Variants in TBC1D5 observed in about 807,000 individuals in gnomAD.
TBC1D5 encodes the protein TBC1 domain family, member 5.
In TBC1D5, 75 loss-of-function variants were observed where a neutral mutation model predicts 100.3. That is an observed-to-expected ratio of 0.75 (90% CI 0.62 to 0.91). TBC1D5 has a LOEUF of 0.91. Among genes scored for constraint, TBC1D5 ranks in the 40% least tolerant of loss-of-function variants. TBC1D5 has a pLI of 0.00. For synonymous variants in TBC1D5, 323 were observed against 325.6 expected (o/e 0.99, Z 0.09); for missense variants, 910 against 942.4 (o/e 0.97, Z 0.45).
At chr3:17,213,338 C>G (rs903245851) in intron 18 of TBC1D5, among the ~76,000 whole-genome samples, 3 of 152,150 alleles carry the variant, frequency 2.0e-5, no homozygotes, top group Non-Finnish European at 4.4e-5. Flanking sequence ...CTGAATGTAT[C>G]ATTGTTGTTA....
At chr3:17,276,332 G>C (rs2080009405) in intron 15 of TBC1D5, among the ~76,000 whole-genome samples, 1 of 152,142 alleles carries the variant, frequency 6.6e-6, no homozygotes, top group Non-Finnish European at 1.5e-5. Flanking sequence ...TCATCATCTT[G>C]GGTGGTTAAG....
At chr3:17,427,373 T>C (rs1273371200) in intron 4 of TBC1D5, among the ~76,000 whole-genome samples, 1 of 151,946 alleles carries the variant, frequency 6.6e-6, no homozygotes, top group African/African-American at 2.4e-5. Context: ...AACTGTTTCA[T>C]TTACTACATT....
chr3:17,554,977 G>A (rs771276673), intron 2 of TBC1D5, among the ~76,000 whole-genome samples: 2 of 151,908 alleles, frequency 1.3e-5, no homozygotes, highest in Non-Finnish European at 2.9e-5. Context: ...AGCCTCCCAA[G>A]TAGCTGGGAT....
chr3:17,378,351 A>G (rs9848610), intron 9 of TBC1D5, among the ~76,000 whole-genome samples: 62,371 of 151,534 alleles, frequency 0.41, 13,538 homozygotes, highest in Middle Eastern at 0.47. Flanking sequence ...TCCCTCAGTG[A>G]AGAATATAAA....
At chr3:17,639,858 T>C (rs1316001925) in intron 1 of TBC1D5, among the ~76,000 whole-genome samples, 1 of 152,174 alleles carries the variant, frequency 6.6e-6, no homozygotes, top group Non-Finnish European at 1.5e-5. Flanking sequence ...TCACTCACAC[T>C]GAAACTTCTG....
intron 21 of TBC1D5, among the ~76,000 whole-genome samples, chr3:17,163,684 G>T (rs1045112120): frequency 6.6e-6 from 1 of 152,116 alleles, no homozygotes; most frequent in Non-Finnish European, 1.5e-5. Context: ...CCCAACTATA[G>T]ACCAGCAGTG....
chr3:17,313,868 AAG>A (rs1651855134), intron 13 of TBC1D5, among the ~76,000 whole-genome samples: 1 of 152,182 alleles, frequency 6.6e-6, no homozygotes, highest in Non-Finnish European at 1.5e-5. Flanking sequence ...GGTACCTATT[AAG>A]AGAGTCAGAA....
intron 2 of TBC1D5, among the ~76,000 whole-genome samples, chr3:17,582,712 T>A: frequency 7.2e-6 from 1 of 139,712 alleles, no homozygotes; most frequent in Non-Finnish European, 1.5e-5. Context: ...CAGGCATAAA[T>A]CCATTATGAG....
In TBC1D5 at chr3:17,221,275, C is replaced by CT. The variant is rs905327270; in HGVS notation, c.1589-6906dup. On this transcript the variant is annotated intron_variant, in intron 17 of 21. Transcript: ENST00000253692. ...GTTGGCCAACCTAATCCTGTGAGTT[C>CT]TTTTTTTTTTAATTTTATTATTATT... Among the ~76,000 whole-genome samples the CT allele has an allele frequency of 2.4e-4, 35 of 147,630 alleles. 1 individual carries two copies. Among genetic ancestry groups the CT allele is most frequent in the South Asian group, 1.1e-3 (5 of 4,620 alleles).
rs1028115249 is a variant in TBC1D5, at chr3:17,513,998, A to G, written c.-35-5393T>C. Among the ~76,000 whole-genome samples the G allele has an allele frequency of 2.0e-5, 3 of 152,176 alleles. No homozygotes were observed. In the East Asian group the frequency reaches 5.8e-4, roughly 29 times the overall value. On this transcript the variant is annotated intron_variant, in intron 2 of 21. Coordinates refer to ENST00000253692, the Ensembl canonical transcript of TBC1D5. The stretch of plus-strand genomic sequence containing the variant: ...CAATGATTGGAAGTAACAATGTTCT[A>G]AAGTCTTAATTACAAGGGCAGAAAG...
chr3:17,218,227 A>G (rs894611896), intron 17 of TBC1D5, among the ~76,000 whole-genome samples: 3 of 152,076 alleles, frequency 2.0e-5, no homozygotes, highest in South Asian at 2.1e-4. Context: ...TTTGATTAAA[A>G]TAACTATATA....
chr3:17,566,109 T>C (rs912894561), intron 2 of TBC1D5, among the ~76,000 whole-genome samples: 10 of 151,990 alleles, frequency 6.6e-5, no homozygotes, highest in Non-Finnish European at 1.0e-4. Flanking sequence ...CACTGTAATA[T>C]ATAGTGATAA....
chr3:17,704,332 G>C (rs1193297021), intron 1 of TBC1D5, among the ~76,000 whole-genome samples: 2 of 151,536 alleles, frequency 1.3e-5, no homozygotes, highest in African/African-American at 4.8e-5. Flanking sequence ...TTTCTACACA[G>C]ACACGGCAAC....
chr3:17,415,166 A>G (rs112524083), intron 4 of TBC1D5, among the ~76,000 whole-genome samples: 13,865 of 152,046 alleles, frequency 0.091, 1,426 homozygotes, highest in African/African-American at 0.26. Context: ...ATTTATTTAT[A>G]TATTTTTTGA....
chr3:17,201,817 C>T (rs1390261613), intron 18 of TBC1D5, among the ~76,000 whole-genome samples: 1 of 152,212 alleles, frequency 6.6e-6, no homozygotes, highest in Non-Finnish European at 1.5e-5. Context: ...GCTTCCTGTA[C>T]AGCATCTGGA....
At chr3:17,545,376 C>T (rs2096404767) in intron 2 of TBC1D5, among the ~76,000 whole-genome samples, 2 of 152,330 alleles carry the variant, frequency 1.3e-5, no homozygotes, top group South Asian at 4.1e-4. Context: ...TTTGCTGACA[C>T]CTGATCTCAG....
At chr3:17,221,565 T>C (rs1259238680) in intron 17 of TBC1D5, among the ~76,000 whole-genome samples, 1 of 151,990 alleles carries the variant, frequency 6.6e-6, no homozygotes, top group East Asian at 1.9e-4. Flanking sequence ...AGTTCAAACA[T>C]GAGAAGGGCT....
Position 17,305,257 on chromosome 3 carries a change from T to C in TBC1D5, c.1138+2735A>G, listed in dbSNP as rs2083287427. Reference sequence around the variant, plus strand: ...GTTACAACACAAACTAAGCTCTTCCTTGGCTTCTTCTCCTCTGGTGCCTCT... The same window carrying C: ...GTTACAACACAAACTAAGCTCTTCCCTGGCTTCTTCTCCTCTGGTGCCTCT... On this transcript the variant is annotated intron_variant, in intron 14 of 21. Coordinates refer to ENST00000253692, the Ensembl canonical transcript of TBC1D5. Among the ~76,000 whole-genome samples, 2 of 152,174 alleles carry C rather than the reference T, an allele frequency of 1.3e-5. 1 individual carries two copies. Among genetic ancestry groups the C allele is most frequent in the South Asian group, 4.1e-4 (2 of 4,830 alleles).
At chr3:17,189,285 C>T (rs1659351294) in intron 18 of TBC1D5, among the ~76,000 whole-genome samples, 1 of 152,176 alleles carries the variant, frequency 6.6e-6, no homozygotes. Context: ...TAGTTTCTGG[C>T]TTTAAAACCT....
Sources: allele counts gnomAD v4.1 joint callset (sites outside exome capture counted in the v4.1 genomes callset), GRCh38; gene constraint gnomAD v4.1.1; transcripts MANE v1.5; gene names NCBI Gene and HGNC (gene_info 2026-07-23, HGNC 2026-07-21).